Variants in PDE8A observed in about 807,000 individuals in gnomAD.
PDE8A encodes the protein high affinity cAMP-specific and IBMX-insensitive 3',5'-cyclic phosphodiesterase 8A.
PDE8A carries 59 observed loss-of-function variants against 105.0 expected under a neutral mutation model. The observed-to-expected ratio is 0.56, with a 90% CI of 0.46 to 0.70. The LOEUF is 0.70. PDE8A is among the 30% of genes least tolerant of loss of function. The pLI is 0.00. For synonymous variants in PDE8A, 355 were observed against 371.9 expected (o/e 0.95, Z 0.52); for missense variants, 1,014 against 1,045.9 (o/e 0.97, Z 0.42).
chr15:85,111,947 GGT>G (rs1567293320), intron 12 of PDE8A, among the ~76,000 whole-genome samples: 1 of 151,976 alleles, frequency 6.6e-6, no homozygotes, highest in Non-Finnish European at 1.5e-5. Context: ...CTATTGTAGT[GGT>G]GTTACTTGTT....
At chr15:84,982,627 G>T (rs1445669934) in intron 1 of PDE8A, among the ~76,000 whole-genome samples, 1 of 152,184 alleles carries the variant, frequency 6.6e-6, no homozygotes. Context: ...CCGGAGCGGC[G>T]GGGCCCGATG....
intron 11 of PDE8A, among the ~76,000 whole-genome samples, chr15:85,101,107 C>G (rs2081855500): frequency 2.0e-5 from 3 of 152,226 alleles, no homozygotes; most frequent in Non-Finnish European, 4.4e-5. Flanking sequence ...GTGAAATTCT[C>G]TTTACAGGTA....
intron 20 of PDE8A, among the ~76,000 whole-genome samples, chr15:85,131,204 A>G (rs896469602): frequency 2.0e-5 from 3 of 152,210 alleles, no homozygotes; most frequent in Non-Finnish European, 4.4e-5. Context: ...TTTCTTGTAG[A>G]TAGAATGTAG....
intron 12 of PDE8A, among the ~76,000 whole-genome samples, chr15:85,112,298 G>T (rs2082032350): frequency 6.6e-6 from 1 of 151,872 alleles, no homozygotes; most frequent in African/African-American, 2.4e-5. Context: ...TCATTTTTTT[G>T]TGGTGAGAAC....
intron 5 of PDE8A, among the ~76,000 whole-genome samples, chr15:85,077,819 T>A (rs1345153259): frequency 3.3e-5 from 5 of 152,084 alleles, no homozygotes; most frequent in Non-Finnish European, 7.4e-5. Flanking sequence ...ATAGCAAATT[T>A]TATGAGGAAC....
intron 1 of PDE8A, among the ~76,000 whole-genome samples, chr15:85,019,221 T>C (rs1338958908): frequency 1.3e-5 from 2 of 152,192 alleles, no homozygotes; most frequent in African/African-American, 4.8e-5. Flanking sequence ...TAAGAGGTTA[T>C]TTTTAAATTT....
chr15:85,114,525 T>C (rs1043356637), intron 14 of PDE8A, among the ~76,000 whole-genome samples: 4 of 152,186 alleles, frequency 2.6e-5, no homozygotes, highest in African/African-American at 4.8e-5. Flanking sequence ...GGGGGCTTTG[T>C]GTCATAGACT....
intron 11 of PDE8A, among the ~76,000 whole-genome samples, chr15:85,103,524 T>C (rs890275114): frequency 6.6e-6 from 1 of 152,220 alleles, no homozygotes; most frequent in Non-Finnish European, 1.5e-5. Context: ...GGAGCTGTTA[T>C]AGGCCATGGG....
chr15:85,137,269 C>T (rs935340936), intron 21 of PDE8A, among the ~76,000 whole-genome samples: 20 of 152,324 alleles, frequency 1.3e-4, no homozygotes, highest in African/African-American at 4.6e-4. Flanking sequence ...AGGACTGAAG[C>T]AGTGGAGCTA....
At chr15:85,044,711 T>C (rs907641700) in intron 1 of PDE8A, among the ~76,000 whole-genome samples, 2 of 152,222 alleles carry the variant, frequency 1.3e-5, no homozygotes, top group Admixed American at 6.5e-5. Flanking sequence ...AGCCACCATC[T>C]TCTCTTGTTT....
chr15:84,991,223 T>G (rs981061439), intron 1 of PDE8A, among the ~76,000 whole-genome samples: 2 of 152,182 alleles, frequency 1.3e-5, no homozygotes, highest in Non-Finnish European at 2.9e-5. Flanking sequence ...AGCGGCAGAC[T>G]GGAAGAAGAC....
chr15:85,000,267 G>C (rs1391127918), intron 1 of PDE8A, among the ~76,000 whole-genome samples: 1 of 152,198 alleles, frequency 6.6e-6, no homozygotes, highest in African/African-American at 2.4e-5. Flanking sequence ...TGGGTCACTG[G>C]AGAAGGAAGC....
chr15:85,066,603 C>CACACACAT (rs1875750562), intron 2 of PDE8A, among the ~76,000 whole-genome samples: 3 of 66,372 alleles, frequency 4.5e-5, no homozygotes, highest in African/African-American at 3.2e-4. Flanking sequence ...CACACACACA[C>CACACACAT]ACACACACAC....
chr15:85,025,320 T>C (rs944423444), intron 1 of PDE8A, among the ~76,000 whole-genome samples: 53 of 152,308 alleles, frequency 3.5e-4, no homozygotes, highest in African/African-American at 1.3e-3. Context: ...CTTGAGGTGC[T>C]TGAAGAGCTT....
At chr15:85,008,456 C>T (rs2080184413) in intron 1 of PDE8A, among the ~76,000 whole-genome samples, 1 of 152,012 alleles carries the variant, frequency 6.6e-6, no homozygotes, top group Admixed American at 6.5e-5. Context: ...TAACTCATCC[C>T]CCACCCCCAG....
chr15:85,071,124 C>T (rs913114482), intron 3 of PDE8A, among the ~76,000 whole-genome samples: 1 of 152,216 alleles, frequency 6.6e-6, no homozygotes, highest in African/African-American at 2.4e-5. Flanking sequence ...CTGTATCTGT[C>T]GTACCGTGGA....
chr15:85,042,607 C>G (rs1229059528), intron 1 of PDE8A, among the ~76,000 whole-genome samples: 2 of 152,190 alleles, frequency 1.3e-5, no homozygotes, highest in East Asian at 3.8e-4. Context: ...TCACTTTCTA[C>G]CCAAAGCTAT....
chr15:85,075,522 A>AC (rs1023272379), intron 3 of PDE8A, among the ~76,000 whole-genome samples: 59 of 152,212 alleles, frequency 3.9e-4, no homozygotes, highest in African/African-American at 1.3e-3. Context: ...GGAAGAAGAG[A>AC]CCAACGGCTT....
At chr15:85,098,286 G>C (rs1484923938) in intron 9 of PDE8A, among the ~76,000 whole-genome samples, 1 of 152,346 alleles carries the variant, frequency 6.6e-6, no homozygotes, top group East Asian at 1.9e-4. Flanking sequence ...AGAAACTGAA[G>C]TATTTGTTTA....
Sources: gnomAD v4.1 joint callset for allele counts (sites outside exome capture counted in the v4.1 genomes callset) on GRCh38, gnomAD v4.1.1 for gene constraint, MANE v1.5 for transcripts, NCBI Gene and HGNC (gene_info 2026-07-23, HGNC 2026-07-21) for gene names.